MPPED2: variants seen among roughly 807,000 people sequenced by gnomAD.
MPPED2 encodes the protein metallophosphoesterase domain containing 2.
In MPPED2, 5 loss-of-function variants were observed where a neutral mutation model predicts 33.0. That is an observed-to-expected ratio of 0.15 (90% CI 0.08 to 0.32). The LOEUF (loss-of-function observed/expected upper bound fraction) is 0.32. MPPED2 is among the 10% of genes least tolerant of loss of function. The pLI is 1.00. For missense variants in MPPED2, 275 were observed against 372.1 expected (o/e 0.74, Z 2.15); for synonymous variants, 136 against 141.9 (o/e 0.96, Z 0.29).
chr11:30,393,344 C>T (rs972241822), intron 6 of MPPED2, among the ~76,000 whole-genome samples: 16 of 152,164 alleles, frequency 1.1e-4, no homozygotes, highest in Admixed American at 4.6e-4. Context: ...CTTTAGATGA[C>T]TTTGGCTTTA....
Position 30,495,290 on chromosome 11 carries a change from A to G in MPPED2, c.536+6T>C. On this transcript the variant is annotated splice_donor_region_variant and intron_variant, in intron 4 of 6. Coordinates refer to ENST00000358117, the MANE Select transcript of MPPED2 (RefSeq NM_001584.3). ...AATGTGGAAAACTGTTTGAATCATC[A>G]CTTACCAAGGTGCACCGTATATCCT... The G allele has an allele frequency of 6.3e-7, 1 of 1,597,756 alleles. No homozygotes were observed. The highest frequency in any genetic ancestry group is 8.6e-7 in the Non-Finnish European group (1 of 1,165,176).
intron 3 of MPPED2, among the ~76,000 whole-genome samples, chr11:30,507,183 T>C (rs1280434725): frequency 1.3e-5 from 2 of 152,226 alleles, no homozygotes; most frequent in South Asian, 2.1e-4. Context: ...TTGGCTTATA[T>C]TGGAAAGTGT....
At chr11:30,422,132 G>T (rs1948641644) in intron 4 of MPPED2, among the ~76,000 whole-genome samples, 1 of 152,218 alleles carries the variant, frequency 6.6e-6, no homozygotes, top group African/African-American at 2.4e-5. Context: ...CCTGAGCAAT[G>T]AATGAGAGTG....
intron 4 of MPPED2, among the ~76,000 whole-genome samples, chr11:30,484,077 T>C (rs2134139272): frequency 6.6e-6 from 1 of 152,366 alleles, no homozygotes; most frequent in Non-Finnish European, 1.5e-5. Context: ...TTGGTTTCAC[T>C]TAGTCTTCAA....
intron 6 of MPPED2, among the ~76,000 whole-genome samples, chr11:30,397,584 G>C (rs1947854086): frequency 6.6e-6 from 1 of 152,040 alleles, no homozygotes; most frequent in Non-Finnish European, 1.5e-5. Flanking sequence ...TTCATAAAAG[G>C]TCTATATAAA....
At chr11:30,497,612 G>A (rs898731777) in intron 3 of MPPED2, among the ~76,000 whole-genome samples, 5 of 152,080 alleles carry the variant, frequency 3.3e-5, no homozygotes, top group African/African-American at 9.7e-5. Flanking sequence ...ATTTATCCTC[G>A]TTTTAGGGCT....
intron 4 of MPPED2, among the ~76,000 whole-genome samples, chr11:30,431,661 C>G (rs1284527937): frequency 6.6e-6 from 1 of 152,198 alleles, no homozygotes; most frequent in Non-Finnish European, 1.5e-5. Context: ...ATTACTTTCA[C>G]TTTCTAGAAT....
intron 4 of MPPED2, among the ~76,000 whole-genome samples, chr11:30,431,305 A>C (rs1167324506): frequency 3.3e-5 from 5 of 152,230 alleles, no homozygotes; most frequent in Non-Finnish European, 7.3e-5. Context: ...ACTAGGTAGC[A>C]CTTAACAGTG....
chr11:30,561,648 A>G (rs1189361986), intron 2 of MPPED2, among the ~76,000 whole-genome samples: 3 of 152,178 alleles, frequency 2.0e-5, no homozygotes, highest in African/African-American at 7.2e-5. Flanking sequence ...TATCAAAGCC[A>G]ACTTGGGCCC....
intron 4 of MPPED2, among the ~76,000 whole-genome samples, chr11:30,420,331 C>G (rs548609814): frequency 6.6e-6 from 1 of 152,270 alleles, no homozygotes; most frequent in South Asian, 2.1e-4. Flanking sequence ...CCTGTAGAAG[C>G]TGGAAAAGTT....
chr11:30,564,179 T>G (rs527943782), intron 2 of MPPED2, among the ~76,000 whole-genome samples: 15 of 152,200 alleles, frequency 9.9e-5, no homozygotes, highest in Non-Finnish European at 1.8e-4. Context: ...GTATTTTTAG[T>G]GGCTTCTTCT....
chr11:30,515,876 G>C (rs1475471713), intron 3 of MPPED2, among the ~76,000 whole-genome samples: 1 of 152,144 alleles, frequency 6.6e-6, no homozygotes, highest in East Asian at 1.9e-4. Flanking sequence ...CAGGAACTTA[G>C]TATTGGAGAT....
At chr11:30,438,221 G>A (rs769148329) in intron 4 of MPPED2, among the ~76,000 whole-genome samples, 2 of 152,174 alleles carry the variant, frequency 1.3e-5, no homozygotes, top group Non-Finnish European at 2.9e-5. Flanking sequence ...AAAGGAGAGA[G>A]ACTTGAGAAG....
chr11:30,495,263 G>A (rs1473877921), intron 4 of MPPED2, 33 bp downstream of exon 4: 4 of 1,475,490 alleles, frequency 2.7e-6, no homozygotes, highest in South Asian at 2.3e-5. Flanking sequence ...GAGCTAAAAA[G>A]CAATGTGGAA....
intron 1 of MPPED2, chr11:30,584,253 G>C (rs2134963854): frequency 1.3e-5 from 2 of 152,078 alleles, no homozygotes; most frequent in South Asian, 4.2e-4. Flanking sequence ...TGGGGGGCGC[G>C]GAATTCTCTA....
rs547514690 is a variant in MPPED2, at chr11:30,527,051, G to A, written c.310+8943C>T. On this transcript the variant is annotated intron_variant, in intron 3 of 6. Coordinates refer to ENST00000358117, the MANE Select transcript of MPPED2 (RefSeq NM_001584.3). ...GCCATTGCCCTGCCTCAGCCTCTCGGAGTAGCTGGGACTACAGGCGCCCAC... is the reference window on the plus strand; with the variant it reads ...GCCATTGCCCTGCCTCAGCCTCTCGAAGTAGCTGGGACTACAGGCGCCCAC... Among the ~76,000 whole-genome samples, 14 of 151,958 alleles carry A rather than the reference G, an allele frequency of 9.2e-5. No homozygotes were observed. The South Asian group carries it at 2.9e-3, about 32-fold the overall frequency.
chr11:30,432,448 ATAGC>A (rs1949123385), intron 4 of MPPED2, among the ~76,000 whole-genome samples: 5 of 134,236 alleles, frequency 3.7e-5, no homozygotes, highest in Admixed American at 3.5e-4. Context: ...TTACTTCTTT[ATAGC>A]TTTCAAAACA....
chr11:30,540,994 C>T (rs1955077304), intron 2 of MPPED2, among the ~76,000 whole-genome samples: 1 of 152,204 alleles, frequency 6.6e-6, no homozygotes, highest in Non-Finnish European at 1.5e-5. Flanking sequence ...TGTCAGAATT[C>T]ATGGTCTGTG....
chr11:30,528,348 C>T lies in MPPED2; in HGVS notation c.310+7646G>A, dbSNP rs148647780. Among the ~76,000 whole-genome samples, 60 of 152,260 alleles carry T rather than the reference C, an allele frequency of 3.9e-4. No individual in the cohort carries two copies. The East Asian group carries it at 0.011, about 28-fold the overall frequency. ...TTGGCTCACTGCAACCTCTGCCTCC[C>T]GGGTTCAGGTGATTCTCATGCCTCA... is the stretch of plus-strand genomic sequence containing the variant. On this transcript the variant is annotated intron_variant, in intron 3 of 6. Coordinates refer to ENST00000358117, the MANE Select transcript of MPPED2 (RefSeq NM_001584.3).
Sources: gnomAD v4.1 joint callset for allele counts (sites outside exome capture counted in the v4.1 genomes callset) on GRCh38, gnomAD v4.1.1 for gene constraint, MANE v1.5 for transcripts, NCBI Gene and HGNC (gene_info 2026-07-23, HGNC 2026-07-21) for gene names.